Variants in TEK observed in about 807,000 individuals in gnomAD.
The protein encoded by TEK is TEK receptor tyrosine kinase.
Under a neutral mutation model 131.8 loss-of-function variants are expected in TEK, and 43 were observed. That is an observed-to-expected ratio of 0.33 (90% confidence interval 0.26 to 0.42). The LOEUF is 0.42. Among genes scored for constraint, TEK ranks in the 10% least tolerant of loss-of-function variants. TEK has a pLI of 1.00. For synonymous variants in TEK, 580 were observed against 491.6 expected (o/e 1.18, Z -2.38); for missense variants, 1,162 against 1,384.4 (o/e 0.84, Z 2.55).
intron 1 of TEK, among the ~76,000 whole-genome samples, chr9:27,146,629 A>G (rs180774264): frequency 3.3e-5 from 5 of 151,836 alleles, no homozygotes; most frequent in Middle Eastern, 6.8e-3. Flanking sequence ...TGGATATACT[A>G]TAGCTTGTTT....
At chr9:27,113,309 G>A (rs748716816) in intron 1 of TEK, among the ~76,000 whole-genome samples, 2 of 151,960 alleles carry the variant, frequency 1.3e-5, no homozygotes, top group African/African-American at 2.4e-5. Context: ...ATGAAGCTTG[G>A]GGCCTGGTGC....
intron 1 of TEK, among the ~76,000 whole-genome samples, chr9:27,137,952 G>A (rs375080182): frequency 1.3e-5 from 2 of 152,140 alleles, no homozygotes; most frequent in Non-Finnish European, 2.9e-5. Flanking sequence ...CTTCAGATGT[G>A]TCTGGAGTTT....
intron 1 of TEK, among the ~76,000 whole-genome samples, chr9:27,110,482 T>G (rs2782417): frequency 0.94 from 143,368 of 152,174 alleles, 68,075 homozygotes; most frequent in East Asian, 1. Flanking sequence ...CTGAACTACA[T>G]ATCACAAATA....
At chr9:27,200,032 C>T (rs1211066593) in intron 12 of TEK, among the ~76,000 whole-genome samples, 1 of 151,954 alleles carries the variant, frequency 6.6e-6, no homozygotes, top group Non-Finnish European at 1.5e-5. Flanking sequence ...TTTTGGGGTG[C>T]AGTATATTTT....
intron 1 of TEK, among the ~76,000 whole-genome samples, chr9:27,149,760 T>G (rs1363058840): frequency 6.6e-6 from 1 of 152,088 alleles, no homozygotes; most frequent in African/African-American, 2.4e-5. Context: ...TATGCTTGGT[T>G]GTGGGTGTGG....
At chr9:27,224,126 A>T (rs1236083141) in intron 21 of TEK, among the ~76,000 whole-genome samples, 1 of 152,204 alleles carries the variant, frequency 6.6e-6, no homozygotes, top group Non-Finnish European at 1.5e-5. Context: ...TTAATAGCTT[A>T]CCTACCAAAA....
At chr9:27,122,882 T>C (rs1185510441) in intron 1 of TEK, among the ~76,000 whole-genome samples, 2 of 150,752 alleles carry the variant, frequency 1.3e-5, no homozygotes, top group Admixed American at 6.7e-5. Context: ...TGAAACCCTG[T>C]CTCTACTAAA....
chr9:27,142,426 A>C (rs1467097124), intron 1 of TEK, among the ~76,000 whole-genome samples: 1 of 152,252 alleles, frequency 6.6e-6, no homozygotes, highest in African/African-American at 2.4e-5. Context: ...GATTTGGAAC[A>C]GGTGCTAAGC....
In TEK at chr9:27,194,780, C is replaced by A. The variant is rs192220597; in HGVS notation, c.1624+2157C>A. Among the ~76,000 whole-genome samples the A allele has an allele frequency of 9.9e-4, 150 of 152,196 alleles. 2 individuals are homozygous for A. The South Asian group carries it at 0.011, about 11-fold the overall frequency. ...GGGGATTATTGAAGGTTCTTCTTTTCCCATCATTTGAATTTTGCTGCTGTT... is the reference window on the plus strand; with the variant it reads ...GGGGATTATTGAAGGTTCTTCTTTTACCATCATTTGAATTTTGCTGCTGTT... On this transcript the variant is annotated intron_variant, in intron 11 of 22. Transcript: ENST00000380036.
chr9:27,166,985 A>G (rs1823753400), intron 2 of TEK, among the ~76,000 whole-genome samples: 1 of 151,940 alleles, frequency 6.6e-6, no homozygotes, highest in South Asian at 2.1e-4. Flanking sequence ...CTCTTCCTTT[A>G]GTGGTGATCC....
chr9:27,177,441 A>G (rs1414234697), intron 6 of TEK, among the ~76,000 whole-genome samples: 1 of 152,076 alleles, frequency 6.6e-6, no homozygotes, highest in Non-Finnish European at 1.5e-5. Flanking sequence ...CCTGTTGGCC[A>G]TTTGTATGTC....
chr9:27,210,085 T>TTAAAC (rs1305385267), intron 16 of TEK, among the ~76,000 whole-genome samples: 1 of 152,228 alleles, frequency 6.6e-6, no homozygotes, highest in East Asian at 1.9e-4. Flanking sequence ...CCTCAATTTA[T>TTAAAC]TAAACTAAAA....
chr9:27,214,635 A>C (rs867819032), intron 18 of TEK, among the ~76,000 whole-genome samples: 15 of 152,084 alleles, frequency 9.9e-5, no homozygotes, highest in African/African-American at 3.6e-4. Context: ...ATAATTCACC[A>C]CCTTGGCATA....
intron 18 of TEK, among the ~76,000 whole-genome samples, chr9:27,215,181 AG>A (rs148012477): frequency 6.6e-6 from 1 of 152,264 alleles, no homozygotes; most frequent in East Asian, 1.9e-4. Context: ...CATTTCATAA[AG>A]GGCAGTGATT....
chr9:27,217,630 TGA>T (rs1825866495), intron 18 of TEK, 56 bp from the exon 19 acceptor site: 1 of 1,513,750 alleles, frequency 6.6e-7, no homozygotes, highest in African/African-American at 1.4e-5. Flanking sequence ...TCAGGCAGGC[TGA>T]GAGCCTCTTA....
intron 1 of TEK, among the ~76,000 whole-genome samples, chr9:27,141,937 GAACAT>G (rs1370862010): frequency 6.6e-6 from 1 of 152,168 alleles, no homozygotes; most frequent in East Asian, 1.9e-4. Flanking sequence ...CAAAGTAACA[GAACAT>G]AAATCTCTAT....
intron 1 of TEK, among the ~76,000 whole-genome samples, chr9:27,151,694 A>G (rs7034591): frequency 0.28 from 42,623 of 152,040 alleles, 6,213 homozygotes; most frequent in South Asian, 0.52. Flanking sequence ...TCTGTCTCCT[A>G]CATTTGCCTA....
Position 27,203,441 on chromosome 9 carries a change from A to G in TEK, c.2209+322A>G, listed in dbSNP as rs1206807992. On this transcript the variant is annotated intron_variant, in intron 13 of 22. Transcript: ENST00000380036. Reference sequence around the variant, plus strand: ...GCTTATAGAAGGCAAGCTATGCAAGAGCTCCAGTAGGAGGCTCCAAGAACC... The same window carrying G: ...GCTTATAGAAGGCAAGCTATGCAAGGGCTCCAGTAGGAGGCTCCAAGAACC... Among the ~76,000 whole-genome samples, 4 of 152,202 alleles carry G rather than the reference A, an allele frequency of 2.6e-5. No homozygotes were observed. The East Asian group carries it at 7.7e-4, about 29-fold the overall frequency.
chr9:27,166,759 G>T (rs566119064), intron 2 of TEK, among the ~76,000 whole-genome samples: 2 of 152,258 alleles, frequency 1.3e-5, no homozygotes, highest in African/African-American at 4.8e-5. Flanking sequence ...TTATGTGTGT[G>T]TGTGTTTTAG....
Sources: allele counts gnomAD v4.1 joint callset (sites outside exome capture counted in the v4.1 genomes callset), GRCh38; gene constraint gnomAD v4.1.1; transcripts MANE v1.5; gene names NCBI Gene and HGNC (gene_info 2026-07-23, HGNC 2026-07-21).